ZNF736: variants seen among roughly 807,000 people sequenced by gnomAD.
The protein encoded by ZNF736 is KRAB-containing zinc-finger repressor protein.
Under a neutral mutation model 11.7 loss-of-function variants are expected in ZNF736, and 6 were observed. The ratio of observed to expected loss-of-function variants is 0.51; its 90% CI spans 0.28 to 1.01. The LOEUF (loss-of-function observed/expected upper bound fraction) is 1.01. ZNF736 is among the 50% of genes least tolerant of loss of function. The pLI, the probability that ZNF736 is intolerant of heterozygous loss-of-function variation, is 0.09. For synonymous variants in ZNF736, 139 were observed against 164.7 expected, an observed-to-expected ratio of 0.84 and a Z score of 1.19; for missense variants, 444 against 496.0, an observed-to-expected ratio of 0.90 and a Z score of 1.00.
At chr7:64,345,319 G>T (rs779737372) in intron 3 of ZNF736, among the ~76,000 whole-genome samples, 19 of 151,764 alleles carry the variant, frequency 1.3e-4, no homozygotes, top group Non-Finnish European at 2.5e-4. Flanking sequence ...ACTGTGCCCG[G>T]CCAGGAAAAG....
Position 64,347,837 on chromosome 7 carries a change from T to C in ZNF736, c.227-253T>C, listed in dbSNP as rs112420803. On this transcript the variant is annotated intron_variant, in intron 3 of 3. Transcript: ENST00000423484. ...GAAGAATGGCTGTGGTGGGTAAATA[T>C]GAAATACTTTTATTACACTTCTATG... is the stretch of plus-strand genomic sequence containing the variant. Among the ~76,000 whole-genome samples, 492 of 152,290 alleles carry C rather than the reference T, an allele frequency of 3.2e-3. 1 individual carries two copies. Among genetic ancestry groups the C allele is most frequent in the Middle Eastern group, 0.014 (4 of 294 alleles).
chr7:64,320,490 T>C (rs1788988674), intron 1 of ZNF736, among the ~76,000 whole-genome samples: 1 of 152,210 alleles, frequency 6.6e-6, no homozygotes, highest in South Asian at 2.1e-4. Context: ...CATTGAGAAA[T>C]AAAATTTTGA....
At chr7:64,315,323 A>G (rs940567885) in intron 1 of ZNF736, among the ~76,000 whole-genome samples, 14 of 152,120 alleles carry the variant, frequency 9.2e-5, no homozygotes, top group Non-Finnish European at 1.2e-4. Context: ...ACACCCAGCT[A>G]TGATTTGTTG....
rs1344992885 is a variant in ZNF736 at position 64,319,295 on chromosome 7, A to ATG, written c.3+5154_3+5155dup. Among the ~76,000 whole-genome samples, 400 of 120,634 alleles carry ATG rather than the reference A, an allele frequency of 3.3e-3. 2 individuals are homozygous for ATG. Among genetic ancestry groups the ATG allele is most frequent in the African/African-American group, 0.011 (367 of 33,566 alleles). 79.1% of individuals were successfully genotyped at this position (120,634 alleles called of 152,430 possible). ...ATATATAAAATATGTGTATGTATGT[A>ATG]TGTGTGTGTGTGTATATGTATGTGT... On this transcript the variant is annotated intron_variant, in intron 1 of 3. Transcript: ENST00000423484.
intron 1 of ZNF736, among the ~76,000 whole-genome samples, chr7:64,328,355 A>G (rs1302105233): frequency 6.6e-6 from 1 of 151,766 alleles, no homozygotes; most frequent in Non-Finnish European, 1.5e-5. Context: ...TAAGATTTCC[A>G]CTGATGAGTC....
intron 3 of ZNF736, among the ~76,000 whole-genome samples, chr7:64,347,217 C>CTTTTTTTTTTTTTTTTT (rs35033527): frequency 8.9e-5 from 5 of 55,872 alleles, no homozygotes; most frequent in African/African-American, 1.5e-4. Flanking sequence ...AAATGTTCGC[C>CTTTTTTTTTTTTTTTTT]TTTTTTTTTT....
chr7:64,336,801 T>A, intron 2 of ZNF736, 86 bp from the exon 3 acceptor site: 1 of 1,048,032 alleles, frequency 9.5e-7, no homozygotes, highest in Non-Finnish European at 1.4e-6. Flanking sequence ...TCTTCTATAA[T>A]GTTCTCTCTT....
rs1789449268 is a variant in ZNF736 at position 64,348,896 on chromosome 7, G to A, written c.1033G>A (p.Glu345Lys). The change falls in exon 4 of 4, where the codon GAA (glutamate) becomes AAA (lysine). Residue 345 changes from glutamate (E) to lysine (K), a missense_variant. Transcript: ENST00000423484. The part of the protein sequence containing the change: ...HTGEKPYICE[E>K]CGKAFTRSST... ...TGGAGAGAAACCCTACATCTGTGAAGAATGTGGCAAAGCCTTTACCCGCTC... is the reference window on the plus strand; with the variant it reads ...TGGAGAGAAACCCTACATCTGTGAAAAATGTGGCAAAGCCTTTACCCGCTC... 2 of 1,608,610 alleles carry A rather than the reference G, an allele frequency of 1.2e-6. No individual in the cohort carries two copies. The highest frequency in any genetic ancestry group is 1.3e-5 in the African/African-American group (1 of 74,724).
intron 1 of ZNF736, among the ~76,000 whole-genome samples, chr7:64,332,107 G>T (rs1020225199): frequency 1.3e-5 from 2 of 148,460 alleles, no homozygotes; most frequent in Non-Finnish European, 2.9e-5. Context: ...AGGAGAAAAA[G>T]AAAGAAATGG....
chr7:64,341,039 G>A (rs1386971665), intron 3 of ZNF736, among the ~76,000 whole-genome samples: 1 of 151,024 alleles, frequency 6.6e-6, no homozygotes, highest in Admixed American at 6.6e-5. Context: ...AACTTTTTTT[G>A]TTTTATTTTT....
chr7:64,319,074 G>A (rs1788956571), intron 1 of ZNF736, among the ~76,000 whole-genome samples: 1 of 151,950 alleles, frequency 6.6e-6, no homozygotes, highest in African/African-American at 2.4e-5. Flanking sequence ...AATTCCAGAG[G>A]AGACAGTTTG....
intron 1 of ZNF736, among the ~76,000 whole-genome samples, chr7:64,319,703 G>A (rs901062295): frequency 1.3e-5 from 2 of 151,452 alleles, no homozygotes; most frequent in African/African-American, 2.4e-5. Context: ...CACCATGTTG[G>A]CCAGGCTGGT....
chr7:64,316,117 A>T (rs978362828), intron 1 of ZNF736, among the ~76,000 whole-genome samples: 1 of 152,164 alleles, frequency 6.6e-6, no homozygotes, highest in African/African-American at 2.4e-5. Context: ...GGATGATCCA[A>T]GATACCCACA....
intron 1 of ZNF736, among the ~76,000 whole-genome samples, chr7:64,329,495 T>C (rs1789129589): frequency 6.6e-6 from 1 of 152,216 alleles, no homozygotes; most frequent in Non-Finnish European, 1.5e-5. Flanking sequence ...AATAACACTG[T>C]GATGCTTGCA....
At position 64,349,290 on chromosome 7, in the gene ZNF736, G is replaced by A. The variant is rs1789455351; in HGVS notation, c.*143G>A. The A allele has an allele frequency of 5.2e-6, 4 of 763,712 alleles. No individual in the cohort carries two copies. Among genetic ancestry groups the A allele is most frequent in the Non-Finnish European group, 8.0e-6 (4 of 501,518 alleles). 47.3% of individuals were successfully genotyped at this position (763,712 alleles called of 1,614,324 possible). ...CTCTAAGAACTTACTTTATAATCTG[G>A]TTGCTTATATGTTGGGTACATATAT... On this transcript the variant is annotated 3_prime_UTR_variant, in exon 4 of 4. Coordinates refer to ENST00000423484, the MANE Select transcript of ZNF736 (RefSeq NM_001170905.3).
At chr7:64,330,474 T>C (rs925628546) in intron 1 of ZNF736, among the ~76,000 whole-genome samples, 17 of 152,176 alleles carry the variant, frequency 1.1e-4, no homozygotes, top group African/African-American at 3.4e-4. Context: ...GGGTTTTTTT[T>C]CTGACCTAGG....
intron 3 of ZNF736, among the ~76,000 whole-genome samples, chr7:64,337,634 T>C (rs2115935660): frequency 6.6e-6 from 1 of 152,324 alleles, no homozygotes; most frequent in South Asian, 2.1e-4. Flanking sequence ...GCCAAATTCC[T>C]CAACTGTATG....
At chr7:64,341,874 A>G (rs773203562) in intron 3 of ZNF736, among the ~76,000 whole-genome samples, 5 of 152,174 alleles carry the variant, frequency 3.3e-5, no homozygotes, top group Non-Finnish European at 5.9e-5. Flanking sequence ...TCAGATAGGT[A>G]TGAATGATTT....
rs1003806374 is a variant in ZNF736, at chr7:64,326,641, A to G, written c.4-9618A>G. On this transcript the variant is annotated intron_variant, in intron 1 of 3. Coordinates refer to ENST00000423484, the MANE Select transcript of ZNF736 (RefSeq NM_001170905.3). ...TTTTCTAGTTCTGTATGATATATCA[A>G]TAGTTTATTTGGAGATTTTTTTTTT... 7.9e-5 allele frequency among the ~76,000 whole-genome samples: 10 copies of G among 126,682 alleles called. No individual in the cohort carries two copies. In the South Asian group the frequency reaches 8.0e-4, roughly 10 times the overall value. 83.1% of individuals were successfully genotyped at this position (126,682 alleles called of 152,430 possible).
Sources: gnomAD v4.1 joint callset for allele counts (sites outside exome capture counted in the v4.1 genomes callset) on GRCh38, gnomAD v4.1.1 for gene constraint, MANE v1.5 for transcripts, NCBI Gene and HGNC (gene_info 2026-07-23, HGNC 2026-07-21) for gene names.